ZZZ3: variants seen among roughly 807,000 people sequenced by gnomAD.
ZZZ3 encodes the protein zinc finger ZZ-type containing 3.
A neutral mutation model predicts 95.2 loss-of-function variants in ZZZ3; 22 were observed. The observed-to-expected ratio is 0.23, with a 90% confidence interval of 0.17 to 0.33. ZZZ3 has a LOEUF of 0.33. Ranked by LOEUF, ZZZ3 falls within the 10% of genes least tolerant of loss-of-function variation. The probability of loss-of-function intolerance (pLI) is 1.00; values close to 1 mark genes in which losing one functional copy is unlikely to be tolerated. For missense variants in ZZZ3, 885 were observed against 1,066.5 expected (o/e 0.83, Z 2.37); for synonymous variants, 335 against 358.9 (o/e 0.93, Z 0.75).
chr1:77,600,654 T>C (rs956200691), intron 5 of ZZZ3, among the ~76,000 whole-genome samples: 2 of 152,032 alleles, frequency 1.3e-5, no homozygotes, highest in Non-Finnish European at 2.9e-5. Context: ...GGGAAAGGGT[T>C]CCCGGGGTTG....
chr1:77,656,018 C>T (rs937876385), intron 1 of ZZZ3, among the ~76,000 whole-genome samples: 5 of 152,214 alleles, frequency 3.3e-5, no homozygotes, highest in Admixed American at 2.6e-4. Context: ...GACAGCCATT[C>T]ATCTTCAATG....
At chr1:77,645,015 G>A (rs1275458135) in intron 1 of ZZZ3, among the ~76,000 whole-genome samples, 5 of 152,090 alleles carry the variant, frequency 3.3e-5, no homozygotes, top group Non-Finnish European at 5.9e-5. Flanking sequence ...TTTGAGGCCA[G>A]GAGTTCGAGA....
chr1:77,591,606 A>C (rs9988619), intron 5 of ZZZ3, among the ~76,000 whole-genome samples: 88,159 of 152,110 alleles, frequency 0.58, 27,798 homozygotes, highest in Non-Finnish European at 0.71. Context: ...AGCCTACCAA[A>C]GTGCTGGGAT....
chr1:77,665,830 G>A (rs1051079255), intron 1 of ZZZ3, among the ~76,000 whole-genome samples: 6 of 151,910 alleles, frequency 3.9e-5, no homozygotes, highest in African/African-American at 9.7e-5. Flanking sequence ...ATCACCTGAC[G>A]TCAGAGTTCA....
At chr1:77,605,001 C>T (rs1376504925) in intron 5 of ZZZ3, among the ~76,000 whole-genome samples, 2 of 152,094 alleles carry the variant, frequency 1.3e-5, no homozygotes, top group Non-Finnish European at 2.9e-5. Context: ...AAGGCTCCAC[C>T]GATGGTCCCC....
chr1:77,612,788 G>A (rs903113664), intron 5 of ZZZ3, among the ~76,000 whole-genome samples: 5 of 151,824 alleles, frequency 3.3e-5, no homozygotes, highest in Admixed American at 2.6e-4. Flanking sequence ...ACTGGCAGGG[G>A]GGTGGGGAAA....
intron 9 of ZZZ3, chr1:77,579,868 A>G (rs1284700980): frequency 3.2e-5 from 8 of 248,504 alleles, no homozygotes; most frequent in Admixed American, 2.2e-4. Flanking sequence ...TTCTATTCAC[A>G]TAAGTAAAAA....
intron 1 of ZZZ3, among the ~76,000 whole-genome samples, chr1:77,660,378 C>T (rs1053407263): frequency 2.6e-5 from 4 of 152,152 alleles, no homozygotes; most frequent in Admixed American, 6.5e-5. Flanking sequence ...ACATTAACTC[C>T]GCATATCCCC....
At chr1:77,569,439 T>C (rs1406277769) in intron 12 of ZZZ3, among the ~76,000 whole-genome samples, 4 of 152,252 alleles carry the variant, frequency 2.6e-5, no homozygotes, top group Non-Finnish European at 5.9e-5. Flanking sequence ...TAGATACATA[T>C]GTTCGGGACC....
At chr1:77,682,718 C>T (rs1214355259), upstream of ZZZ3, 1 of 152,242 alleles carries the variant, frequency 6.6e-6, no homozygotes, top group Non-Finnish European at 1.5e-5. Flanking sequence ...TCGCGAGCTT[C>T]CACTAGACCC....
chr1:77,643,628 G>T (rs1031815199), intron 1 of ZZZ3, among the ~76,000 whole-genome samples: 1 of 152,156 alleles, frequency 6.6e-6, no homozygotes, highest in Non-Finnish European at 1.5e-5. Context: ...TCACTGAAAA[G>T]AATTACTTTT....
rs148807604 is a variant in ZZZ3 at position 77,605,060 on chromosome 1, C to A, written c.1506-20405G>T. ...CAACTATCTACCCAAAAAAACAGAACCTTCATGAGATCCAAAAATCAGGTG... is the reference window on the plus strand; with the variant it reads ...CAACTATCTACCCAAAAAAACAGAAACTTCATGAGATCCAAAAATCAGGTG... On this transcript the variant is annotated intron_variant, in intron 5 of 14. Transcript: ENST00000370801. Among the ~76,000 whole-genome samples the A allele has an allele frequency of 1.3e-3, 191 of 152,224 alleles. 4 individuals are homozygous for A. The highest frequency in any genetic ancestry group is 4.5e-3 in the African/African-American group (188 of 41,518).
Position 77,632,320 on chromosome 1 carries a change from ACTC to A in ZZZ3, c.1032_1034del (p.Glu344_Ser345delinsAsp), listed in dbSNP as rs1667882387. ...GTTCAGGTTCTCCGGAGGCTGGCAT[ACTC>A]TCAAGACTTGTGTCCAGTTCGTTAT... On this transcript the variant is annotated inframe_deletion, in exon 5 of 15. Transcript: ENST00000370801. The A allele has an allele frequency of 1.2e-6, 2 of 1,614,056 alleles. No individual in the cohort carries two copies. Among genetic ancestry groups the A allele is most frequent in the Non-Finnish European group, 1.7e-6 (2 of 1,180,002 alleles).
At chr1:77,629,469 A>C (rs1020441303) in intron 5 of ZZZ3, among the ~76,000 whole-genome samples, 1 of 152,096 alleles carries the variant, frequency 6.6e-6, no homozygotes, top group African/African-American at 2.4e-5. Flanking sequence ...ATTACAAAAA[A>C]TTAGACAGGT....
At chr1:77,681,308 G>GA (rs565149100) in intron 1 of ZZZ3, among the ~76,000 whole-genome samples, 49 of 148,186 alleles carry the variant, frequency 3.3e-4, no homozygotes, top group South Asian at 6.4e-4. Context: ...TTATGTATAG[G>GA]AAAAAAAAAC....
At chr1:77,620,903 G>A (rs1470085783) in intron 5 of ZZZ3, among the ~76,000 whole-genome samples, 2 of 152,178 alleles carry the variant, frequency 1.3e-5, no homozygotes, top group African/African-American at 4.8e-5. Context: ...AGCCTAAGCA[G>A]TGCCAAAAAT....
chr1:77,630,793 G>A (rs947924199), intron 5 of ZZZ3, among the ~76,000 whole-genome samples: 4 of 151,970 alleles, frequency 2.6e-5, no homozygotes, highest in African/African-American at 9.7e-5. Flanking sequence ...TACAATGCAT[G>A]GCAAAAAAAA....
intron 5 of ZZZ3, among the ~76,000 whole-genome samples, chr1:77,593,217 A>T (rs1415377957): frequency 1.3e-5 from 2 of 152,220 alleles, no homozygotes; most frequent in African/African-American, 2.4e-5. Flanking sequence ...ATTAATTAGT[A>T]AAGTTGAAGA....
At chr1:77,672,191 G>C (rs189794261) in intron 1 of ZZZ3, among the ~76,000 whole-genome samples, 1 of 152,296 alleles carries the variant, frequency 6.6e-6, no homozygotes, top group East Asian at 1.9e-4. Context: ...TGTTATATGA[G>C]AGCTCCGAGT....
Sources: allele counts gnomAD v4.1 joint callset (sites outside exome capture counted in the v4.1 genomes callset), GRCh38; gene constraint gnomAD v4.1.1; transcripts MANE v1.5; gene names NCBI Gene and HGNC (gene_info 2026-07-23, HGNC 2026-07-21).